The following JPH3 variants were observed in gnomAD, a reference collection of about 807,000 sequenced individuals.
JPH3 encodes the protein junctophilin-3.
JPH3 carries 11 observed loss-of-function variants against 59.6 expected under a neutral mutation model. The observed-to-expected ratio is 0.18, with a 90% CI of 0.12 to 0.31. The LOEUF is 0.31. Ranked by LOEUF, JPH3 falls within the 10% of genes least tolerant of loss-of-function variation. JPH3 has a pLI of 1.00. For synonymous variants in JPH3, 673 were observed against 483.6 expected (o/e 1.39, Z -5.14); for missense variants, 1,202 against 1,105.7 (o/e 1.09, Z -1.24).
rs866684318 is a variant in JPH3, at chr16:87,677,223, C to A, written c.1161-6919C>A. 8.1e-3 allele frequency among the ~76,000 whole-genome samples: 904 copies of A among 111,360 alleles called. 15 individuals carry two copies. Among genetic ancestry groups the A allele is most frequent in the African/African-American group, 0.027 (700 of 26,164 alleles). The allele number at this position is 111,360 out of a possible 152,430, so 73.1% of individuals were successfully genotyped here. ...ACACACACACACACACACACACACA[C>A]ACAAAAAAAAAAATTAGCCGGGTGT... On this transcript the variant is annotated intron_variant, in intron 2 of 4. Coordinates refer to ENST00000284262, the MANE Select transcript of JPH3 (RefSeq NM_020655.4).
At chr16:87,654,220 T>A (rs553134083) in intron 2 of JPH3, 4 of 152,254 alleles carry the variant, frequency 2.6e-5, no homozygotes, top group African/African-American at 9.6e-5. Context: ...CTCCAATGCA[T>A]CCCTCAAGAC....
intron 4 of JPH3, among the ~76,000 whole-genome samples, chr16:87,691,510 G>T (rs1365912314): frequency 4.6e-5 from 7 of 152,146 alleles, no homozygotes; most frequent in Non-Finnish European, 8.8e-5. Flanking sequence ...GGGCAGGGGG[G>T]ACCATTGGTA....
chr16:87,616,651 G>T (rs1185682859), intron 1 of JPH3, among the ~76,000 whole-genome samples: 2 of 152,106 alleles, frequency 1.3e-5, no homozygotes, highest in Admixed American at 6.5e-5. Context: ...CCCTCATGTG[G>T]TCTCTCCCGA....
chr16:87,643,960 G>C (rs947239881), intron 1 of JPH3, among the ~76,000 whole-genome samples: 2 of 152,120 alleles, frequency 1.3e-5, no homozygotes, highest in Non-Finnish European at 2.9e-5. Context: ...AACATAATGA[G>C]ACTGCCATCT....
intron 1 of JPH3, among the ~76,000 whole-genome samples, chr16:87,616,962 C>T (rs978105840): frequency 3.9e-5 from 6 of 152,204 alleles, no homozygotes; most frequent in South Asian, 2.1e-4. Flanking sequence ...CCGTGGCTCA[C>T]GCCTGTAATC....
At chr16:87,613,735 G>T (rs2030825412) in intron 1 of JPH3, among the ~76,000 whole-genome samples, 1 of 152,202 alleles carries the variant, frequency 6.6e-6, no homozygotes, top group Non-Finnish European at 1.5e-5. Flanking sequence ...CAAAGCCAGG[G>T]AATTCCTTTG....
intron 2 of JPH3, among the ~76,000 whole-genome samples, chr16:87,664,051 G>C (rs1439122561): frequency 2.0e-5 from 3 of 152,212 alleles, no homozygotes; most frequent in Non-Finnish European, 4.4e-5. Flanking sequence ...CATATGGCCA[G>C]CTGGGCGCGG....
intron 2 of JPH3, among the ~76,000 whole-genome samples, chr16:87,668,156 C>T (rs772090202): frequency 3.3e-5 from 5 of 152,348 alleles, no homozygotes; most frequent in South Asian, 2.1e-4. Context: ...TTCCTCCTTC[C>T]TCTCCCTGCC....
intron 2 of JPH3, among the ~76,000 whole-genome samples, chr16:87,665,580 G>A (rs2032835904): frequency 6.6e-6 from 1 of 152,192 alleles, no homozygotes; most frequent in African/African-American, 2.4e-5. Context: ...GCCTAGAGGC[G>A]TGGCGCTCCC....
intron 4 of JPH3, 114 bp from the exon 5 acceptor site, chr16:87,696,466 G>C: frequency 1.2e-6 from 1 of 836,004 alleles, no homozygotes; most frequent in Non-Finnish European, 2.0e-6. Flanking sequence ...CCTCCCGTAC[G>C]CTTCCACCCC....
intron 2 of JPH3, among the ~76,000 whole-genome samples, chr16:87,651,509 A>T (rs2032323478): frequency 1.3e-5 from 2 of 152,360 alleles, no homozygotes; most frequent in South Asian, 4.1e-4. Flanking sequence ...TCAAGGTTGG[A>T]GGTCAAAACA....
chr16:87,617,798 C>T (rs914030901), intron 1 of JPH3, among the ~76,000 whole-genome samples: 7 of 151,546 alleles, frequency 4.6e-5, no homozygotes, highest in African/African-American at 9.7e-5. Context: ...GGCAGGGGTG[C>T]GTCCATGGTG....
intron 1 of JPH3, among the ~76,000 whole-genome samples, chr16:87,634,294 C>T (rs1330614715): frequency 6.6e-6 from 1 of 152,088 alleles, no homozygotes; most frequent in African/African-American, 2.4e-5. Context: ...TGTTCCGGGG[C>T]ATCCTGGGCA....
chr16:87,695,577 G>A, intron 4 of JPH3: 1 of 455,770 alleles, frequency 2.2e-6, no homozygotes, highest in South Asian at 1.5e-5. Context: ...GAAGCAGACT[G>A]TGGGCAAGAC....
chr16:87,658,200 C>A (rs1202499835), intron 2 of JPH3, among the ~76,000 whole-genome samples: 1 of 152,160 alleles, frequency 6.6e-6, no homozygotes, highest in Non-Finnish European at 1.5e-5. Flanking sequence ...GAGCTGGCTA[C>A]TATAGCGACC....
intron 4 of JPH3, chr16:87,695,986 A>C (rs564833458): frequency 2.2e-6 from 1 of 455,862 alleles, no homozygotes; most frequent in East Asian, 7.0e-5. Flanking sequence ...CATAACCTAA[A>C]TCCAAGGCAG....
At chr16:87,623,110 A>T (rs370387995) in intron 1 of JPH3, among the ~76,000 whole-genome samples, 3 of 151,970 alleles carry the variant, frequency 2.0e-5, no homozygotes, top group East Asian at 1.9e-4. Flanking sequence ...GGAGGAGTCC[A>T]CTCTGCCCAC....
chr16:87,696,525 C>G lies in JPH3; in HGVS notation c.2167-55C>G, dbSNP rs772447483. ...AAGACGTGGGTGGGAGGCGTGGTGG[C>G]CCAGGCAGAGCCCCCCGCAGCTGTC... On this transcript the variant is annotated intron_variant, in intron 4 of 4. Coordinates refer to ENST00000284262, the MANE Select transcript of JPH3 (RefSeq NM_020655.4). The G allele has an allele frequency of 1.9e-4, 276 of 1,480,246 alleles. 1 individual carries two copies. The highest frequency in any genetic ancestry group is 2.3e-4 in the Non-Finnish European group (243 of 1,064,948). The allele number at this position is 1,480,246 out of a possible 1,614,324, so 91.7% of individuals were successfully genotyped here. A position where few individuals can be genotyped will look rare whatever the true frequency, so the allele number is the denominator to read the frequency against.
chr16:87,636,169 C>G (rs1301452235), intron 1 of JPH3, among the ~76,000 whole-genome samples: 1 of 152,122 alleles, frequency 6.6e-6, no homozygotes, highest in Non-Finnish European at 1.5e-5. Context: ...TGGGAATCAG[C>G]GGCTTGGGTT....
Sources: gnomAD v4.1 joint callset for allele counts (sites outside exome capture counted in the v4.1 genomes callset) on GRCh38, gnomAD v4.1.1 for gene constraint, MANE v1.5 for transcripts, NCBI Gene and HGNC (gene_info 2026-07-23, HGNC 2026-07-21) for gene names.